ACOT12: variants seen among roughly 807,000 people sequenced by gnomAD.
ACOT12 encodes acyl-CoA thioesterase 12.
In ACOT12, 51 loss-of-function variants were observed where a neutral mutation model predicts 67.7. That is an observed-to-expected ratio of 0.75 (90% CI 0.60 to 0.95). The LOEUF (loss-of-function observed/expected upper bound fraction) is 0.95. ACOT12 is among the 40% of genes least tolerant of loss of function. ACOT12 has a pLI of 0.00. For missense variants in ACOT12, 734 were observed against 708.1 expected, an observed-to-expected ratio of 1.04 and a Z score of -0.41; for synonymous variants, 251 against 244.6, an observed-to-expected ratio of 1.03 and a Z score of -0.24.
chr5:81,378,928 C>A (rs1172680954), intron 2 of ACOT12, among the ~76,000 whole-genome samples: 1 of 152,162 alleles, frequency 6.6e-6, no homozygotes, highest in Non-Finnish European at 1.5e-5. Flanking sequence ...GTGGCGATTC[C>A]TCAAGGATCT....
At chr5:81,333,901 G>A (rs183378522) in intron 12 of ACOT12, among the ~76,000 whole-genome samples, 85 of 150,258 alleles carry the variant, frequency 5.7e-4, no homozygotes, top group African/African-American at 2.0e-3. Flanking sequence ...TTACCTTTTG[G>A]CCCACTGCAC....
chr5:81,354,158 G>A (rs1238494821), intron 5 of ACOT12, among the ~76,000 whole-genome samples: 4 of 152,356 alleles, frequency 2.6e-5, no homozygotes, highest in South Asian at 4.1e-4. Flanking sequence ...TGTAGAATAA[G>A]TTAGGGCAGA....
At chr5:81,325,590 T>A (rs1758655607), downstream of ACOT12, among the ~76,000 whole-genome samples, 1 of 152,152 alleles carries the variant, frequency 6.6e-6, no homozygotes, top group Admixed American at 6.6e-5. Flanking sequence ...ATGAGTTGTG[T>A]CCAATGATAA....
At chr5:81,338,521 C>T (rs1237515370) in intron 11 of ACOT12, among the ~76,000 whole-genome samples, 1 of 152,188 alleles carries the variant, frequency 6.6e-6, no homozygotes, top group Non-Finnish European at 1.5e-5. Flanking sequence ...GAGGCCTCCC[C>T]AGCCATGCTT....
chr5:81,344,874 G>C lies in ACOT12; in HGVS notation c.924+17C>G, dbSNP rs373801940. 6.2e-7 allele frequency: 1 copy of C among 1,613,778 alleles called. No individual in the cohort carries two copies. On this transcript the variant is annotated intron_variant, in intron 8 of 14. Coordinates refer to ENST00000307624, the MANE Select transcript of ACOT12 (RefSeq NM_130767.3). The stretch of plus-strand genomic sequence containing the variant: ...TTCACAGGTCCGGCTATTGAACCTC[G>C]TGTGATAATAACTGACCTTTGAAAT...
At chr5:81,317,953 G>A in the ACOT12 span, among the ~76,000 whole-genome samples, 1,986 of 145,750 alleles carry the variant, frequency 0.014, 18 homozygotes, top group Non-Finnish European at 0.02. Flanking sequence ...CACAATCTCC[G>A]CTCACTGCAA....
chr5:81,384,265 C>T (rs1407256446), intron 2 of ACOT12, among the ~76,000 whole-genome samples: 2 of 151,838 alleles, frequency 1.3e-5, no homozygotes, highest in African/African-American at 4.8e-5. Flanking sequence ...ACTGGGATTA[C>T]AAGCGCCCGT....
At chr5:81,325,894 A>G (rs1481296835), downstream of ACOT12, among the ~76,000 whole-genome samples, 2 of 151,556 alleles carry the variant, frequency 1.3e-5, no homozygotes, top group African/African-American at 4.9e-5. Flanking sequence ...CACTGCAGCC[A>G]TGACTCCAGG....
At chr5:81,358,043 A>G (rs11747702) in intron 5 of ACOT12, among the ~76,000 whole-genome samples, 29,312 of 149,638 alleles carry the variant, frequency 0.2, 3,467 homozygotes, top group African/African-American at 0.32. Context: ...AGAAGAAGAA[A>G]AACAACTGTA....
intron 5 of ACOT12, among the ~76,000 whole-genome samples, chr5:81,353,004 T>C (rs957252217): frequency 2.0e-5 from 3 of 152,186 alleles, no homozygotes; most frequent in African/African-American, 7.2e-5. Context: ...ACTATCTCTT[T>C]AAAAATAGTT....
At chr5:81,338,938 A>G (rs1759099027) in intron 11 of ACOT12, among the ~76,000 whole-genome samples, 1 of 152,108 alleles carries the variant, frequency 6.6e-6, no homozygotes, top group African/African-American at 2.4e-5. Flanking sequence ...AAAATTATCC[A>G]GGGGTGGTGG....
chr5:81,358,912 A>G (rs1759810753), intron 5 of ACOT12, among the ~76,000 whole-genome samples: 3 of 151,968 alleles, frequency 2.0e-5, no homozygotes, highest in Admixed American at 1.3e-4. Flanking sequence ...AGCAATGAGT[A>G]GAAACCTTTG....
intron 11 of ACOT12, among the ~76,000 whole-genome samples, chr5:81,341,456 G>A (rs993254172): frequency 1.3e-5 from 2 of 152,242 alleles, no homozygotes; most frequent in African/African-American, 4.8e-5. Flanking sequence ...GGAACACCAA[G>A]AGACTGTTAA....
intron 2 of ACOT12, among the ~76,000 whole-genome samples, chr5:81,376,701 C>A (rs147444679): frequency 0.027 from 4,168 of 152,180 alleles, 176 homozygotes; most frequent in African/African-American, 0.089. Flanking sequence ...TCAGAGAATA[C>A]TACAAACACC....
chr5:81,337,386 C>A (rs1376595690), intron 11 of ACOT12, among the ~76,000 whole-genome samples: 1 of 152,180 alleles, frequency 6.6e-6, no homozygotes, highest in Non-Finnish European at 1.5e-5. Flanking sequence ...TTTCTCTACC[C>A]TTCCACCCCC....
chr5:81,383,741 A>G (rs1458046483), intron 2 of ACOT12, among the ~76,000 whole-genome samples: 1 of 152,102 alleles, frequency 6.6e-6, no homozygotes, highest in African/African-American at 2.4e-5. Flanking sequence ...AAGGTAAAAA[A>G]AAAAAATAAC....
intron 2 of ACOT12, among the ~76,000 whole-genome samples, chr5:81,385,210 A>C (rs1760695783): frequency 6.6e-6 from 1 of 152,164 alleles, no homozygotes; most frequent in South Asian, 2.1e-4. Flanking sequence ...GCACCTTGGG[A>C]AGCCAGTGGG....
chr5:81,341,715 C>T (rs879891243), intron 11 of ACOT12, among the ~76,000 whole-genome samples: 7 of 152,130 alleles, frequency 4.6e-5, no homozygotes, highest in Middle Eastern at 3.4e-3. Flanking sequence ...CATGAGCTTC[C>T]GAGGGTCTCC....
downstream of ACOT12, among the ~76,000 whole-genome samples, chr5:81,328,223 A>T (rs1328429136): frequency 1.3e-5 from 2 of 151,808 alleles, no homozygotes; most frequent in African/African-American, 4.8e-5. Context: ...TACACTGACC[A>T]CCCTACTTAA....
Sources: allele counts gnomAD v4.1 joint callset (sites outside exome capture counted in the v4.1 genomes callset), GRCh38; gene constraint gnomAD v4.1.1; transcripts MANE v1.5; gene names NCBI Gene and HGNC (gene_info 2026-07-23, HGNC 2026-07-21).